The following TDP1 variants were observed in gnomAD, a reference collection of about 807,000 sequenced individuals.
TDP1 encodes tyr-DNA phosphodiesterase 1.
In TDP1, 64 loss-of-function variants were observed where a neutral mutation model predicts 81.5. The observed-to-expected ratio is 0.79, with a 90% CI of 0.64 to 0.97. TDP1 has a LOEUF of 0.97. Among genes scored for constraint, TDP1 ranks in the 50% least tolerant of loss-of-function variants. TDP1 has a pLI of 0.00. For missense variants in TDP1, 723 were observed against 743.8 expected (o/e 0.97, Z 0.33); for synonymous variants, 256 against 264.3 (o/e 0.97, Z 0.30).
chr14:90,038,193 T>A (rs1044867414), intron 16 of TDP1, among the ~76,000 whole-genome samples: 2 of 152,196 alleles, frequency 1.3e-5, no homozygotes, highest in Non-Finnish European at 2.9e-5. Flanking sequence ...AAATTTTTTT[T>A]AAAATTTAAG....
At chr14:89,974,051 G>A in intron 6 of TDP1, among the ~76,000 whole-genome samples, 1 of 152,148 alleles carries the variant, frequency 6.6e-6, no homozygotes, top group Non-Finnish European at 1.5e-5. Context: ...TCTGCAAATA[G>A]TCACATTGGA....
intron 14 of TDP1, among the ~76,000 whole-genome samples, chr14:90,013,903 C>A (rs1035817069): frequency 6.6e-6 from 1 of 152,122 alleles, no homozygotes; most frequent in African/African-American, 2.4e-5. Context: ...GACTTGTTCC[C>A]CCTTGCCTTC....
intron 12 of TDP1, among the ~76,000 whole-genome samples, chr14:89,990,002 A>G (rs1395501731): frequency 6.6e-6 from 1 of 152,172 alleles, no homozygotes. Context: ...CCAGTAAGGT[A>G]ACCAGCAGGT....
In TDP1 at chr14:90,043,407, G is replaced by T. The variant is rs779122283; in HGVS notation, c.*264G>T. 1.2e-4 allele frequency: 68 copies of T among 547,496 alleles called. 1 individual carries two copies. The highest frequency in any genetic ancestry group is 7.3e-4 in the South Asian group (34 of 46,306). 33.9% of individuals were successfully genotyped at this position (547,496 alleles called of 1,614,324 possible). ...TCTATGTTAAAAATACGTACTGCTTGAGTATCCCCTGTCTGAAATGCTTGG... is the reference window on the plus strand; with the variant it reads ...TCTATGTTAAAAATACGTACTGCTTTAGTATCCCCTGTCTGAAATGCTTGG... On this transcript the variant is annotated 3_prime_UTR_variant, in exon 17 of 17. Transcript: ENST00000335725.
chr14:90,012,815 G>A lies in TDP1; in HGVS notation c.1542-6501G>A, dbSNP rs138559460. Reference sequence around the variant, plus strand: ...GGAAAAGCTGCAGACACTCAATGCCGGCCCCTGAAAGCAGCCAAGAAGGGG... The same window carrying A: ...GGAAAAGCTGCAGACACTCAATGCCAGCCCCTGAAAGCAGCCAAGAAGGGG... On this transcript the variant is annotated intron_variant, in intron 14 of 16. Transcript: ENST00000335725. Among the ~76,000 whole-genome samples, 805 of 152,204 alleles carry A rather than the reference G, an allele frequency of 5.3e-3. 4 individuals are homozygous for A. The highest frequency in any genetic ancestry group is 8.9e-3 in the Non-Finnish European group (602 of 68,012).
chr14:89,963,063 C>A (rs1009875978), intron 2 of TDP1, 45 bp from the exon 3 acceptor site: 2 of 1,613,712 alleles, frequency 1.2e-6, no homozygotes, highest in Non-Finnish European at 1.7e-6. Flanking sequence ...TTTGCCAATG[C>A]CCTGATGAAT....
chr14:90,043,071 TC>T lies in TDP1; in HGVS notation c.1756del (p.Arg586GlyfsTer30). ...LPPELYGSKD[R>X]PWIWNIPYVK... is the part of the protein sequence containing the mutation. ...TTACGTAATGTGTTTTTCCCCCAGATCGGCCATGGATATGGAACATTCCTTA... is the reference window on the plus strand; with the variant it reads ...TTACGTAATGTGTTTTTCCCCCAGATGGCCATGGATATGGAACATTCCTTA... On this transcript the variant is annotated frameshift_variant and splice_region_variant, in exon 17 of 17. Coordinates refer to ENST00000335725, the MANE Select transcript of TDP1 (RefSeq NM_018319.4). LOFTEE classifies it high-confidence loss of function. The T allele has an allele frequency of 6.2e-7, 1 of 1,614,192 alleles. No homozygotes were observed. Among genetic ancestry groups the T allele is most frequent in the Non-Finnish European group, 8.5e-7 (1 of 1,180,030 alleles).
At chr14:90,031,816 G>A (rs73328485) in intron 15 of TDP1, among the ~76,000 whole-genome samples, 14,823 of 152,052 alleles carry the variant, frequency 0.097, 1,641 homozygotes, top group African/African-American at 0.27. Context: ...ACCAAACTCT[G>A]CTCATCTTTC....
intron 14 of TDP1, among the ~76,000 whole-genome samples, chr14:90,013,848 G>A (rs905606672): frequency 6.6e-6 from 1 of 152,080 alleles, no homozygotes; most frequent in Non-Finnish European, 1.5e-5. Context: ...TCTTTTACTT[G>A]GCTCTCATTT....
At chr14:90,030,696 T>C (rs1887176263) in intron 15 of TDP1, among the ~76,000 whole-genome samples, 1 of 152,184 alleles carries the variant, frequency 6.6e-6, no homozygotes, top group Admixed American at 6.5e-5. Context: ...ACACCTACTA[T>C]GTACCAGGAC....
At chr14:89,996,053 A>G (rs35076279) in intron 14 of TDP1, among the ~76,000 whole-genome samples, 3,177 of 152,300 alleles carry the variant, frequency 0.021, 102 homozygotes, top group African/African-American at 0.073. Flanking sequence ...AAATGTTTCA[A>G]AAGTTTCCTC....
intron 15 of TDP1, among the ~76,000 whole-genome samples, chr14:90,020,181 G>C (rs1209294259): frequency 6.6e-6 from 1 of 152,128 alleles, no homozygotes; most frequent in African/African-American, 2.4e-5. Flanking sequence ...CAAGCCATCT[G>C]TTTCTCTAAA....
intron 5 of TDP1, among the ~76,000 whole-genome samples, 183 bp downstream of exon 5, chr14:89,967,605 T>G (rs1893102873): frequency 6.6e-6 from 1 of 152,224 alleles, no homozygotes; most frequent in Non-Finnish European, 1.5e-5. Flanking sequence ...TCCTACACAT[T>G]CTTTTTACGG....
intron 15 of TDP1, among the ~76,000 whole-genome samples, chr14:90,020,988 G>A (rs139029209): frequency 6.6e-6 from 1 of 151,606 alleles, no homozygotes; most frequent in African/African-American, 2.4e-5. Context: ...TAGAGACGGG[G>A]TTTCACCATG....
At chr14:90,009,263 A>G (rs984070416) in intron 14 of TDP1, among the ~76,000 whole-genome samples, 6 of 152,336 alleles carry the variant, frequency 3.9e-5, no homozygotes, top group South Asian at 2.1e-4. Context: ...ACCAATGTCT[A>G]TGTTAATATC....
chr14:89,981,031 C>T (rs1566868269), intron 8 of TDP1, among the ~76,000 whole-genome samples: 1 of 152,168 alleles, frequency 6.6e-6, no homozygotes, highest in Non-Finnish European at 1.5e-5. Context: ...TATTGTTTTC[C>T]TAGTAGGATT....
intron 3 of TDP1, among the ~76,000 whole-genome samples, chr14:89,964,472 ATATAT>A (rs1439234974): frequency 1.3e-5 from 2 of 152,246 alleles, no homozygotes; most frequent in Non-Finnish European, 2.9e-5. Context: ...AACCAGTGTA[ATATAT>A]TCACATGGCA....
At chr14:89,971,101 G>T in intron 5 of TDP1, 74 bp from the exon 6 acceptor site, 1 of 1,338,090 alleles carries the variant, frequency 7.5e-7, no homozygotes, top group Non-Finnish European at 1.1e-6. Context: ...CTCCCAAGGT[G>T]CCGGGATTAC....
At chr14:90,001,544 C>T (rs537840238) in intron 14 of TDP1, among the ~76,000 whole-genome samples, 1 of 152,290 alleles carries the variant, frequency 6.6e-6, no homozygotes, top group African/African-American at 2.4e-5. Flanking sequence ...GGTAATTATT[C>T]TTTAATGTTT....
Sources: gnomAD v4.1 joint callset for allele counts (sites outside exome capture counted in the v4.1 genomes callset) on GRCh38, gnomAD v4.1.1 for gene constraint, MANE v1.5 for transcripts, NCBI Gene and HGNC (gene_info 2026-07-23, HGNC 2026-07-21) for gene names.